The following POU2AF2 variants were observed in gnomAD, a reference collection of about 807,000 sequenced individuals.
POU2AF2 encodes the protein POU domain class 2-associating factor 2.
At chr11:111,277,189 G>C in the POU2AF2 span, among the ~76,000 whole-genome samples, 2 of 152,298 alleles carry the variant, frequency 1.3e-5, no homozygotes, top group Admixed American at 1.3e-4. Flanking sequence ...AATTGTAAGG[G>C]TAATCATAAA....
chr11:111,272,299 C>T, the POU2AF2 span, among the ~76,000 whole-genome samples: 8 of 152,310 alleles, frequency 5.3e-5, no homozygotes, highest in Non-Finnish European at 8.8e-5. Flanking sequence ...TCCCTGCCCC[C>T]ACCCCCATAC....
the POU2AF2 span, chr11:111,281,533 C>A: frequency 1.5e-6 from 2 of 1,333,642 alleles, no homozygotes; most frequent in Non-Finnish European, 2.1e-6. Context: ...TACAACACTT[C>A]CAAAACTCTG....
At chr11:111,271,641 C>A in the POU2AF2 span, among the ~76,000 whole-genome samples, 5 of 152,142 alleles carry the variant, frequency 3.3e-5, no homozygotes, top group African/African-American at 9.7e-5. Context: ...CCAGGCTAGT[C>A]TCAAACTGTT....
At chr11:111,276,451 AAAATATATATATATAT>A in the POU2AF2 span, among the ~76,000 whole-genome samples, 5 of 41,960 alleles carry the variant, frequency 1.2e-4, no homozygotes, top group Non-Finnish European at 1.8e-4. Context: ...AAAAAAAAAA[AAAATATATATATATAT>A]ATATATATAT....
chr11:111,268,456 G>T, the POU2AF2 span, among the ~76,000 whole-genome samples: 1 of 144,304 alleles, frequency 6.9e-6, no homozygotes, highest in Admixed American at 6.9e-5. Context: ...GTGTTTTATT[G>T]GTTATTGCTA....
chr11:111,261,947 A>T, the POU2AF2 span, among the ~76,000 whole-genome samples: 2 of 152,238 alleles, frequency 1.3e-5, 1 homozygote, highest in Admixed American at 1.3e-4. Flanking sequence ...CTTGATTTTT[A>T]CATGCTCTAC....
chr11:111,266,658 AATT>A, the POU2AF2 span, among the ~76,000 whole-genome samples: 471 of 152,296 alleles, frequency 3.1e-3, 1 homozygote, highest in Non-Finnish European at 4.4e-3. Flanking sequence ...TAATAACAAT[AATT>A]ATCACTTACC....
At chr11:111,274,240 G>C in the POU2AF2 span, among the ~76,000 whole-genome samples, 12 of 152,190 alleles carry the variant, frequency 7.9e-5, no homozygotes, top group South Asian at 2.5e-3. Flanking sequence ...AGGCCCTTTA[G>C]GAGTCTTCTA....
the POU2AF2 span, among the ~76,000 whole-genome samples, chr11:111,258,784 G>A: frequency 1.4e-4 from 22 of 152,256 alleles, 1 homozygote; most frequent in African/African-American, 5.3e-4. Flanking sequence ...AAGCTCCTTG[G>A]ATGGTGCCTT....
At chr11:111,276,453 A>AAAAAAATATATATATATATATAT in the POU2AF2 span, among the ~76,000 whole-genome samples, 1 of 37,688 alleles carries the variant, frequency 2.7e-5, no homozygotes, top group Admixed American at 3.5e-4. Flanking sequence ...AAAAAAAAAA[A>AAAAAAATATATATATATATATAT]ATATATATAT....
At chr11:111,259,282 T>C in the POU2AF2 span, among the ~76,000 whole-genome samples, 10 of 151,344 alleles carry the variant, frequency 6.6e-5, no homozygotes, top group South Asian at 6.3e-4. Context: ...AGTTTACAAG[T>C]AGCAGATGAC....
the POU2AF2 span, among the ~76,000 whole-genome samples, chr11:111,267,706 T>C: frequency 1.3e-5 from 2 of 152,222 alleles, no homozygotes; most frequent in Non-Finnish European, 2.9e-5. Context: ...CTGCTGTCTC[T>C]GGTGACCCAC....
the POU2AF2 span, among the ~76,000 whole-genome samples, chr11:111,267,983 C>T: frequency 6.6e-6 from 1 of 152,154 alleles, no homozygotes; most frequent in South Asian, 2.1e-4. Flanking sequence ...AAATCTAATA[C>T]CATACTACTG....
At chr11:111,286,183 C>G in the POU2AF2 span, 1 of 1,030,016 alleles carries the variant, frequency 9.7e-7, no homozygotes, top group African/African-American at 1.6e-5. Context: ...TGTTAGTGGA[C>G]GAGGGCATTT....
chr11:111,264,569 A>AAAGG, the POU2AF2 span, among the ~76,000 whole-genome samples: 1 of 39,958 alleles, frequency 2.5e-5, no homozygotes, highest in African/African-American at 9.6e-5. Flanking sequence ...AGAAAGAAAG[A>AAAGG]AAGAAAGGGA....
chr11:111,279,307 A>G, the POU2AF2 span, among the ~76,000 whole-genome samples: 1 of 152,178 alleles, frequency 6.6e-6, no homozygotes, highest in African/African-American at 2.4e-5. Flanking sequence ...CTGTTTTGTC[A>G]TCAATCACCC....
At chr11:111,268,043 G>A in the POU2AF2 span, among the ~76,000 whole-genome samples, 2 of 152,126 alleles carry the variant, frequency 1.3e-5, no homozygotes, top group Non-Finnish European at 2.9e-5. Context: ...AATGCCAAAA[G>A]AAGAAGAAGT....
chr11:111,278,889 C>T, the POU2AF2 span, among the ~76,000 whole-genome samples: 25 of 152,204 alleles, frequency 1.6e-4, no homozygotes, highest in African/African-American at 5.5e-4. Context: ...TGGGTTTCCT[C>T]AGAGGGTGCT....
At chr11:111,285,618 G>C in the POU2AF2 span, 4 of 1,587,602 alleles carry the variant, frequency 2.5e-6, no homozygotes, top group East Asian at 4.6e-5. Context: ...GTGTCACCTA[G>C]TGAATAACCT....
Sources: allele counts gnomAD v4.1 joint callset (sites outside exome capture counted in the v4.1 genomes callset), GRCh38; gene constraint gnomAD v4.1.1; transcripts MANE v1.5; gene names NCBI Gene and HGNC (gene_info 2026-07-23, HGNC 2026-07-21).